LRMDA: variants seen among roughly 807,000 people sequenced by gnomAD.
LRMDA encodes leucine rich melanocyte differentiation associated.
In LRMDA, 18 loss-of-function variants were observed where a neutral mutation model predicts 29.8. The ratio of observed to expected loss-of-function variants is 0.60; its 90% CI spans 0.42 to 0.90. LRMDA has a LOEUF of 0.90. LRMDA is among the 40% of genes least tolerant of loss of function. The probability of loss-of-function intolerance (pLI) is 0.00; values close to 1 mark genes in which losing one functional copy is unlikely to be tolerated. For missense variants in LRMDA, 273 were observed against 273.9 expected, an observed-to-expected ratio of 1.00 and a Z score of 0.02; for synonymous variants, 125 against 109.4, an observed-to-expected ratio of 1.14 and a Z score of -0.89.
intron 2 of LRMDA, among the ~76,000 whole-genome samples, chr10:76,017,711 T>G (rs1847901125): frequency 6.6e-6 from 1 of 152,146 alleles, no homozygotes; most frequent in African/African-American, 2.4e-5. Flanking sequence ...TGAAAATGAC[T>G]TCCTACACTC....
chr10:75,537,095 C>T (rs1312700576), intron 2 of LRMDA, among the ~76,000 whole-genome samples: 1 of 152,184 alleles, frequency 6.6e-6, no homozygotes, highest in African/African-American at 2.4e-5. Context: ...CTTTTATGCC[C>T]AAACTAGCTA....
At chr10:76,259,713 T>C (rs1839909350) in intron 5 of LRMDA, among the ~76,000 whole-genome samples, 1 of 152,096 alleles carries the variant, frequency 6.6e-6, no homozygotes, top group African/African-American at 2.4e-5. Flanking sequence ...CCTTTAGATC[T>C]AATAATATTT....
intron 6 of LRMDA, among the ~76,000 whole-genome samples, chr10:76,397,768 G>T (rs982406264): frequency 6.6e-6 from 1 of 152,204 alleles, no homozygotes; most frequent in African/African-American, 2.4e-5. Flanking sequence ...TCGGAGAACC[G>T]GAGAGAGGGG....
chr10:75,807,935 T>C (rs1414273115), intron 2 of LRMDA, among the ~76,000 whole-genome samples: 2 of 152,212 alleles, frequency 1.3e-5, no homozygotes, highest in African/African-American at 4.8e-5. Context: ...TTGGATCTTA[T>C]TGTACATCAC....
intron 6 of LRMDA, among the ~76,000 whole-genome samples, chr10:76,449,972 A>G (rs1842390195): frequency 6.6e-6 from 1 of 151,934 alleles, no homozygotes; most frequent in Non-Finnish European, 1.5e-5. Flanking sequence ...ACAGTTCTTC[A>G]TATGTTTTCC....
At chr10:76,424,020 A>G (rs1465612381) in intron 6 of LRMDA, among the ~76,000 whole-genome samples, 1 of 152,186 alleles carries the variant, frequency 6.6e-6, no homozygotes, top group Non-Finnish European at 1.5e-5. Flanking sequence ...TTCACCTTCT[A>G]TATGGAGTTG....
chr10:76,229,037 T>A (rs1250221330), intron 5 of LRMDA, among the ~76,000 whole-genome samples: 1 of 152,248 alleles, frequency 6.6e-6, no homozygotes, highest in African/African-American at 2.4e-5. Context: ...ATGGTTTCTC[T>A]ATGAAGGATA....
intron 3 of LRMDA, 49 bp downstream of exon 3, chr10:76,036,183 T>G: frequency 6.6e-7 from 1 of 1,518,626 alleles, no homozygotes; most frequent in Non-Finnish European, 8.9e-7. Context: ...AGCCCCACAG[T>G]CGTCCCCCAA....
At chr10:76,474,338 A>C (rs1306040292) in intron 6 of LRMDA, among the ~76,000 whole-genome samples, 1 of 151,684 alleles carries the variant, frequency 6.6e-6, no homozygotes, top group Non-Finnish European at 1.5e-5. Context: ...CTTAAATATG[A>C]TATCAAAATC....
At chr10:75,558,094 A>G (rs1243993737) in intron 2 of LRMDA, among the ~76,000 whole-genome samples, 1 of 152,038 alleles carries the variant, frequency 6.6e-6, no homozygotes, top group African/African-American at 2.4e-5. Context: ...CTCCAGAGAA[A>G]GGATTGGGAA....
At chr10:76,374,820 A>G (rs2132462934) in intron 6 of LRMDA, among the ~76,000 whole-genome samples, 1 of 152,290 alleles carries the variant, frequency 6.6e-6, no homozygotes, top group African/African-American at 2.4e-5. Flanking sequence ...ATATCAAGAA[A>G]TTCTTGAATC....
At chr10:76,031,817 C>T (rs1848155306) in intron 2 of LRMDA, among the ~76,000 whole-genome samples, 1 of 152,144 alleles carries the variant, frequency 6.6e-6, no homozygotes, top group Admixed American at 6.5e-5. Context: ...TTGAGAACAT[C>T]CCAGCCTTTG....
chr10:75,665,398 T>C (rs1377306698), intron 2 of LRMDA, among the ~76,000 whole-genome samples: 1 of 152,220 alleles, frequency 6.6e-6, no homozygotes, highest in Non-Finnish European at 1.5e-5. Flanking sequence ...TGGTGGGAGA[T>C]AATGTCCTCA....
chr10:75,752,753 T>C (rs1842983529), intron 2 of LRMDA, among the ~76,000 whole-genome samples: 1 of 152,156 alleles, frequency 6.6e-6, no homozygotes, highest in African/African-American at 2.4e-5. Context: ...CACTCTAGGA[T>C]CACATTAAAT....
At chr10:76,049,598 T>C (rs1028906261) in intron 4 of LRMDA, among the ~76,000 whole-genome samples, 6 of 152,244 alleles carry the variant, frequency 3.9e-5, no homozygotes, top group Admixed American at 3.9e-4. Flanking sequence ...ATGTGCTTGA[T>C]ATAGTTCCAT....
Position 75,578,215 on chromosome 10 carries a change from C to CAAAAAAAAAAAAAAAAAA in LRMDA, c.131+139728_131+139745dup, listed in dbSNP as rs1183989010. Reference sequence around the variant, plus strand: ...GTATATTTACCAAGCAAATGGAAAGCAAAAAAAAAAAAAAAAAAAAAAAAG... The same window carrying CAAAAAAAAAAAAAAAAAA: ...GTATATTTACCAAGCAAATGGAAAGCAAAAAAAAAAAAAAAAAAAAAAAAAAAAAAAAAAAAAAAAAAG... On this transcript the variant is annotated intron_variant, in intron 2 of 6. Transcript: ENST00000611255. Among the ~76,000 whole-genome samples, 39 of 14,226 alleles carry CAAAAAAAAAAAAAAAAAA rather than the reference C, an allele frequency of 2.7e-3. 7 individuals carry two copies. Among genetic ancestry groups the CAAAAAAAAAAAAAAAAAA allele is most frequent in the Non-Finnish European group, 4.6e-3 (27 of 5,888 alleles). 9.3% of individuals were successfully genotyped at this position (14,226 alleles called of 152,430 possible).
intron 2 of LRMDA, among the ~76,000 whole-genome samples, chr10:75,665,284 C>T (rs910747331): frequency 1.3e-5 from 2 of 152,196 alleles, no homozygotes; most frequent in Non-Finnish European, 2.9e-5. Flanking sequence ...AAGCCTAGAG[C>T]AGACAGGCGA....
chr10:76,054,890 G>T (rs1465179566), intron 4 of LRMDA, among the ~76,000 whole-genome samples: 1 of 150,740 alleles, frequency 6.6e-6, no homozygotes, highest in Admixed American at 6.6e-5. Context: ...ATGGTGAAAC[G>T]CTGTCTCTAC....
intron 2 of LRMDA, among the ~76,000 whole-genome samples, chr10:75,449,439 G>A (rs1589147493): frequency 6.6e-6 from 1 of 152,004 alleles, no homozygotes; most frequent in East Asian, 1.9e-4. Context: ...TGCTTTTCAT[G>A]GTGTAAATCT....
Sources: allele counts gnomAD v4.1 joint callset (sites outside exome capture counted in the v4.1 genomes callset), GRCh38; gene constraint gnomAD v4.1.1; transcripts MANE v1.5; gene names NCBI Gene and HGNC (gene_info 2026-07-23, HGNC 2026-07-21).